Variants in PTPRG observed in about 807,000 individuals in gnomAD.
PTPRG encodes receptor-type tyrosine-protein phosphatase gamma.
A neutral mutation model predicts 165.3 loss-of-function variants in PTPRG; 102 were observed. The ratio of observed to expected loss-of-function variants is 0.62; its 90% CI spans 0.53 to 0.73. The LOEUF is 0.73. PTPRG is among the 30% of genes least tolerant of loss of function. The pLI is 0.00. For synonymous variants in PTPRG, 675 were observed against 669.5 expected, an observed-to-expected ratio of 1.01 and a Z score of -0.13; for missense variants, 1,866 against 1,861.4, an observed-to-expected ratio of 1.00 and a Z score of -0.05.
chr3:62,221,972 G>A (rs1700660990), intron 13 of PTPRG, among the ~76,000 whole-genome samples: 1 of 152,238 alleles, frequency 6.6e-6, no homozygotes, highest in Non-Finnish European at 1.5e-5. Context: ...AAGCACTTGG[G>A]TGGCACCAAC....
At chr3:62,292,626 T>G (rs1223592567) in intron 29 of PTPRG, 70 bp downstream of exon 29, 1 of 1,542,150 alleles carries the variant, frequency 6.5e-7, no homozygotes, top group East Asian at 2.3e-5. Context: ...TTTAGAGCAG[T>G]AGTTCTCAAT....
intron 4 of PTPRG, among the ~76,000 whole-genome samples, chr3:62,074,258 A>G (rs906303558): frequency 4.0e-5 from 6 of 150,812 alleles, no homozygotes; most frequent in African/African-American, 1.5e-4. Flanking sequence ...AATTGGTGAT[A>G]CTGGGTAAAG....
chr3:62,068,208 A>G (rs1701084380), intron 4 of PTPRG, among the ~76,000 whole-genome samples: 1 of 152,218 alleles, frequency 6.6e-6, no homozygotes, highest in Non-Finnish European at 1.5e-5. Flanking sequence ...TAAAACGTTC[A>G]GAATCGGGCA....
At chr3:62,130,256 T>C (rs1576040043) in intron 5 of PTPRG, among the ~76,000 whole-genome samples, 1 of 152,204 alleles carries the variant, frequency 6.6e-6, no homozygotes, top group East Asian at 1.9e-4. Context: ...CTCCTTGTAG[T>C]CGCTCATCCT....
At chr3:61,669,227 A>AT (rs1340866338) in intron 1 of PTPRG, among the ~76,000 whole-genome samples, 2 of 151,970 alleles carry the variant, frequency 1.3e-5, no homozygotes, top group African/African-American at 4.8e-5. Flanking sequence ...TTCAGGCAAG[A>AT]TTTTTTCAGG....
intron 16 of PTPRG, among the ~76,000 whole-genome samples, chr3:62,258,496 G>T (rs1701602044): frequency 1.3e-5 from 2 of 152,182 alleles, no homozygotes; most frequent in African/African-American, 4.8e-5. Flanking sequence ...AGGCATCTAT[G>T]TATTTTCATT....
intron 5 of PTPRG, among the ~76,000 whole-genome samples, chr3:62,099,858 G>C (rs1228639228): frequency 6.9e-6 from 1 of 145,720 alleles, no homozygotes; most frequent in African/African-American, 2.5e-5. Context: ...GAGTGCAGTG[G>C]CGCGATCTTG....
chr3:62,183,166 A>G (rs1705726778), intron 8 of PTPRG, among the ~76,000 whole-genome samples: 1 of 152,236 alleles, frequency 6.6e-6, no homozygotes. Context: ...TGATAGAGCC[A>G]GCAGCCCCAC....
intron 2 of PTPRG, among the ~76,000 whole-genome samples, chr3:61,986,248 G>C (rs1022868985): frequency 6.6e-6 from 1 of 151,438 alleles, no homozygotes; most frequent in Non-Finnish European, 1.5e-5. Context: ...AGGGCTTACT[G>C]TATGTGAGCC....
intron 2 of PTPRG, among the ~76,000 whole-genome samples, chr3:61,951,004 G>A (rs2039886945): frequency 1.3e-5 from 2 of 152,182 alleles, no homozygotes; most frequent in South Asian, 2.1e-4. Flanking sequence ...TGGCTCTGTG[G>A]AATTTTCATT....
chr3:62,059,720 A>G (rs1052985441), intron 4 of PTPRG, among the ~76,000 whole-genome samples: 5 of 152,214 alleles, frequency 3.3e-5, no homozygotes, highest in African/African-American at 7.2e-5. Context: ...TATAGTTTCC[A>G]TAATCCTCAC....
intron 27 of PTPRG, among the ~76,000 whole-genome samples, 173 bp from the exon 28 acceptor site, chr3:62,282,550 AAAAC>A (rs1199880975): frequency 4.2e-5 from 6 of 144,578 alleles, no homozygotes; most frequent in Admixed American, 3.4e-4. Flanking sequence ...AAAAAACAAA[AAAAC>A]AAAAAAAAAA....
At chr3:62,176,077 T>C (rs80202487) in intron 8 of PTPRG, among the ~76,000 whole-genome samples, 11,364 of 152,244 alleles carry the variant, frequency 0.075, 708 homozygotes, top group East Asian at 0.35. Context: ...TATAAACTTA[T>C]TGTTCTGGCT....
In PTPRG at chr3:62,072,443, C is replaced by T. The variant is rs1458696965; in HGVS notation, c.520-5720C>T. Among the ~76,000 whole-genome samples the T allele has an allele frequency of 2.0e-5, 3 of 152,164 alleles. No individual in the cohort carries two copies. The East Asian group carries it at 5.8e-4, about 29-fold the overall frequency. On this transcript the variant is annotated intron_variant, in intron 4 of 29. Coordinates refer to ENST00000474889, the MANE Select transcript of PTPRG (RefSeq NM_002841.4). ...CACCTGGAGGGTTTTGCAGTCAAGA[C>T]ATTCCACAAGGCAGAGTTGAATGAT...
chr3:62,272,097 CAA>C lies in PTPRG; in HGVS notation c.3182+552_3182+553del, dbSNP rs1051790182. Among the ~76,000 whole-genome samples, 855 of 136,584 alleles carry C rather than the reference CAA, an allele frequency of 6.3e-3. 8 individuals are homozygous for C. Among genetic ancestry groups the C allele is most frequent in the African/African-American group, 0.022 (805 of 37,256 alleles). The allele number at this position is 136,584 out of a possible 152,430, so 89.6% of individuals were successfully genotyped here. On this transcript the variant is annotated intron_variant, in intron 21 of 29. Transcript: ENST00000474889. ...GTGATGATAGAGCAAGATCATGACT[CAA>C]AAAAAAAAAGAAAAAATTACAAAAT...
intron 4 of PTPRG, among the ~76,000 whole-genome samples, chr3:62,063,482 G>T (rs138114506): frequency 6.6e-6 from 1 of 152,060 alleles, no homozygotes; most frequent in African/African-American, 2.4e-5. Flanking sequence ...GCAAAGATAC[G>T]GTCTGAGAGA....
intron 4 of PTPRG, among the ~76,000 whole-genome samples, chr3:62,074,176 T>A (rs1482880224): frequency 5.6e-4 from 43 of 77,056 alleles, no homozygotes; most frequent in African/African-American, 1.4e-3. Context: ...GGAAAAAAAG[T>A]GAGAGTGTGT....
At chr3:62,046,737 ATT>A (rs896152473) in intron 4 of PTPRG, among the ~76,000 whole-genome samples, 32 of 152,256 alleles carry the variant, frequency 2.1e-4, no homozygotes, top group Admixed American at 6.5e-4. Flanking sequence ...AGATTTTTGT[ATT>A]GAAAAAGCCT....
chr3:62,104,059 T>G (rs1372508792), intron 5 of PTPRG, among the ~76,000 whole-genome samples: 2 of 152,212 alleles, frequency 1.3e-5, no homozygotes, highest in East Asian at 3.8e-4. Flanking sequence ...GGTATATTTT[T>G]GTTACTTTAT....
Sources: gnomAD v4.1 joint callset for allele counts (sites outside exome capture counted in the v4.1 genomes callset) on GRCh38, gnomAD v4.1.1 for gene constraint, MANE v1.5 for transcripts, NCBI Gene and HGNC (gene_info 2026-07-23, HGNC 2026-07-21) for gene names.